The following MAGI2 variants were observed in gnomAD, a reference collection of about 807,000 sequenced individuals.
MAGI2 encodes the protein membrane-associated guanylate kinase, WW and PDZ domain-containing protein 2.
MAGI2 carries 35 observed loss-of-function variants against 133.3 expected under a neutral mutation model. The observed-to-expected ratio is 0.26, with a 90% CI of 0.20 to 0.35. The LOEUF (loss-of-function observed/expected upper bound fraction) is 0.35, where lower values mean the gene tolerates loss of function less well. Ranked by LOEUF, MAGI2 falls within the 10% of genes least tolerant of loss-of-function variation. The pLI is 1.00. For synonymous variants in MAGI2, 729 were observed against 710.6 expected, an observed-to-expected ratio of 1.03 and a Z score of -0.41; for missense variants, 1,636 against 1,863.4, an observed-to-expected ratio of 0.88 and a Z score of 2.25.
chr7:79,385,896 A>G (rs926722939), intron 1 of MAGI2, among the ~76,000 whole-genome samples: 2 of 151,968 alleles, frequency 1.3e-5, no homozygotes, highest in African/African-American at 4.8e-5. Context: ...GCCTCACGAT[A>G]GTAACCATTT....
At chr7:78,028,848 CAAAAAAAA>C (rs56201811) in intron 21 of MAGI2, among the ~76,000 whole-genome samples, 1 of 84,452 alleles carries the variant, frequency 1.2e-5, no homozygotes, top group African/African-American at 4.3e-5. Context: ...GACTCCATCT[CAAAAAAAA>C]AAAAAAAAAA....
At chr7:79,127,628 C>T (rs1396204964) in intron 1 of MAGI2, among the ~76,000 whole-genome samples, 3 of 152,084 alleles carry the variant, frequency 2.0e-5, no homozygotes, top group South Asian at 4.1e-4. Context: ...TATCCTTTGC[C>T]CACTTTTTGA....
At chr7:79,193,232 C>T (rs1827819939) in intron 1 of MAGI2, among the ~76,000 whole-genome samples, 1 of 151,924 alleles carries the variant, frequency 6.6e-6, no homozygotes, top group African/African-American at 2.4e-5. Flanking sequence ...CATAGCCTTC[C>T]TTATTTATGT....
At chr7:78,734,188 T>G (rs1164782001) in intron 2 of MAGI2, among the ~76,000 whole-genome samples, 1 of 152,202 alleles carries the variant, frequency 6.6e-6, no homozygotes, top group Non-Finnish European at 1.5e-5. Context: ...TTTCTCTCAA[T>G]ACAGGCATCA....
chr7:78,104,322 G>T (rs184835601), intron 20 of MAGI2, among the ~76,000 whole-genome samples: 1 of 151,756 alleles, frequency 6.6e-6, no homozygotes, highest in Non-Finnish European at 1.5e-5. Flanking sequence ...TCCTGGGTTC[G>T]CGCCATTCTC....
At chr7:79,070,683 G>C (rs1365196427) in intron 1 of MAGI2, among the ~76,000 whole-genome samples, 1 of 151,678 alleles carries the variant, frequency 6.6e-6, no homozygotes, top group Non-Finnish European at 1.5e-5. Flanking sequence ...AGTAGAGACG[G>C]GGTTTCACTG....
chr7:79,186,361 C>T (rs1459605725), intron 1 of MAGI2, among the ~76,000 whole-genome samples: 1 of 149,164 alleles, frequency 6.7e-6, no homozygotes, highest in Non-Finnish European at 1.5e-5. Context: ...ATCAAAGTAG[C>T]TGATAGTAGA....
At chr7:78,260,027 T>A (rs557404022) in intron 9 of MAGI2, among the ~76,000 whole-genome samples, 3 of 152,192 alleles carry the variant, frequency 2.0e-5, no homozygotes, top group Non-Finnish European at 4.4e-5. Flanking sequence ...AATATCTTTA[T>A]GAAGATACGT....
intron 1 of MAGI2, among the ~76,000 whole-genome samples, chr7:79,436,776 A>G (rs772717336): frequency 3.3e-5 from 5 of 152,220 alleles, no homozygotes; most frequent in Non-Finnish European, 5.9e-5. Context: ...ATCCCTGTGG[A>G]AAGCAGTTTG....
At chr7:79,404,285 A>G (rs1287336186) in intron 1 of MAGI2, among the ~76,000 whole-genome samples, 2 of 152,124 alleles carry the variant, frequency 1.3e-5, no homozygotes, top group African/African-American at 4.8e-5. Flanking sequence ...TTCCCTGTTC[A>G]TAGGCTTCTG....
chr7:79,059,732 C>T (rs1234655065), intron 1 of MAGI2, among the ~76,000 whole-genome samples: 1 of 152,048 alleles, frequency 6.6e-6, no homozygotes, highest in Admixed American at 6.6e-5. Flanking sequence ...TTCAATAAAA[C>T]TTCATAAATA....
At chr7:78,862,936 C>T (rs1027260283) in intron 2 of MAGI2, among the ~76,000 whole-genome samples, 5 of 152,136 alleles carry the variant, frequency 3.3e-5, no homozygotes, top group African/African-American at 9.7e-5. Context: ...CATTTTAAAA[C>T]ATTATCAACT....
intron 2 of MAGI2, among the ~76,000 whole-genome samples, chr7:78,782,299 T>C (rs1159204101): frequency 1.3e-5 from 2 of 152,194 alleles, no homozygotes; most frequent in African/African-American, 4.8e-5. Flanking sequence ...GCAAGGGCGA[T>C]TTGAGGCGGA....
chr7:79,416,626 A>C (rs1430718169), intron 1 of MAGI2, among the ~76,000 whole-genome samples: 1 of 152,102 alleles, frequency 6.6e-6, no homozygotes, highest in African/African-American at 2.4e-5. Flanking sequence ...AATGTGGTGA[A>C]GACAGATAAA....
intron 1 of MAGI2, among the ~76,000 whole-genome samples, chr7:79,327,768 C>G (rs1260275139): frequency 6.6e-6 from 1 of 152,008 alleles, no homozygotes; most frequent in Non-Finnish European, 1.5e-5. Context: ...TTGTAAAACA[C>G]AGTCAAATGC....
rs114990474 is a variant in MAGI2 at position 78,511,000 on chromosome 7, G to C, written c.755-9213C>G. ...TGGCCACTGTGTTGGATGTGGTGGG[G>C]CTTAAAGATTTCTCCATGCTTTTGT... On this transcript the variant is annotated intron_variant, in intron 4 of 21. Coordinates refer to ENST00000354212, the MANE Select transcript of MAGI2 (RefSeq NM_012301.4). Among the ~76,000 whole-genome samples, 690 of 152,194 alleles carry C rather than the reference G, an allele frequency of 4.5e-3. 2 individuals are homozygous for C. Among genetic ancestry groups the C allele is most frequent in the African/African-American group, 0.016 (662 of 41,522 alleles).
At chr7:78,789,030 A>T (rs1827061798) in intron 2 of MAGI2, among the ~76,000 whole-genome samples, 1 of 152,222 alleles carries the variant, frequency 6.6e-6, no homozygotes, top group Admixed American at 6.5e-5. Flanking sequence ...TTCCCTGCAC[A>T]TTCTTCTTCT....
chr7:79,363,732 G>A (rs1421713863), intron 1 of MAGI2, among the ~76,000 whole-genome samples: 2 of 148,524 alleles, frequency 1.3e-5, no homozygotes, highest in Non-Finnish European at 3.0e-5. Context: ...AAACTAAAAA[G>A]CTTCTGCATA....
chr7:78,599,332 T>G (rs1804943490), intron 3 of MAGI2, among the ~76,000 whole-genome samples: 1 of 152,164 alleles, frequency 6.6e-6, no homozygotes, highest in Non-Finnish European at 1.5e-5. Context: ...AGATCTCAAG[T>G]GTTCTTACTA....
Sources: gnomAD v4.1 joint callset for allele counts (sites outside exome capture counted in the v4.1 genomes callset) on GRCh38, gnomAD v4.1.1 for gene constraint, MANE v1.5 for transcripts, NCBI Gene and HGNC (gene_info 2026-07-23, HGNC 2026-07-21) for gene names.